Variants in LRP5 observed in about 807,000 individuals in gnomAD.
The protein encoded by LRP5 is low-density lipoprotein receptor-related protein 5.
A neutral mutation model predicts 154.1 loss-of-function variants in LRP5; 62 were observed. The observed-to-expected ratio is 0.40, with a 90% CI of 0.33 to 0.50. The LOEUF is 0.50. Ranked by LOEUF, LRP5 falls within the 20% of genes least tolerant of loss-of-function variation. The pLI is 0.55. For missense variants in LRP5, 1,915 were observed against 2,336.7 expected (o/e 0.82, Z 3.72); for synonymous variants, 966 against 1,011.5 (o/e 0.96, Z 0.85).
intron 21 of LRP5, among the ~76,000 whole-genome samples, chr11:68,441,825 A>C (rs975335112): frequency 1.3e-5 from 2 of 152,208 alleles, no homozygotes; most frequent in African/African-American, 2.4e-5. Context: ...GATGTGTGCA[A>C]CCCTCACCAC....
intron 1 of LRP5, among the ~76,000 whole-genome samples, chr11:68,338,511 G>A (rs920353613): frequency 3.3e-5 from 5 of 152,214 alleles, no homozygotes; most frequent in East Asian, 1.9e-4. Context: ...GAGGGGCCAC[G>A]AGCTGGCCTT....
At chr11:68,366,771 GAGA>G (rs2098631304) in intron 5 of LRP5, among the ~76,000 whole-genome samples, 1 of 152,166 alleles carries the variant, frequency 6.6e-6, no homozygotes, top group Admixed American at 6.5e-5. Flanking sequence ...CCCAAGTCGG[GAGA>G]AGGAGAATTT....
chr11:68,445,538 G>T (rs1425731016), intron 21 of LRP5: 1 of 1,219,600 alleles, frequency 8.2e-7, no homozygotes, highest in Non-Finnish European at 1.1e-6. Context: ...AGTCCCTCGG[G>T]CATAACTGAC....
At chr11:68,360,545 A>G (rs1417673441) in intron 3 of LRP5, among the ~76,000 whole-genome samples, 8 of 152,186 alleles carry the variant, frequency 5.3e-5, no homozygotes, top group Admixed American at 1.3e-4. Flanking sequence ...GTGTTGGGTG[A>G]CGAGCTCTGG....
At chr11:68,437,026 G>A in intron 19 of LRP5, 27 bp downstream of exon 19, 1 of 1,592,814 alleles carries the variant, frequency 6.3e-7, no homozygotes. Flanking sequence ...CACGGGGAAG[G>A]GGCGTCCGGG....
intron 9 of LRP5, among the ~76,000 whole-genome samples, chr11:68,409,051 GAAAAAA>G (rs57069059): frequency 0.014 from 717 of 51,374 alleles, 19 homozygotes; most frequent in Admixed American, 0.04. Context: ...CTTATCTGGG[GAAAAAA>G]AAAAAAAAAA....
chr11:68,344,848 TC>T (rs1417044810), intron 1 of LRP5, among the ~76,000 whole-genome samples: 17 of 132,510 alleles, frequency 1.3e-4, no homozygotes, highest in Non-Finnish European at 1.7e-4. Context: ...AGAATCTCTC[TC>T]TTTTTTTTTT....
intron 3 of LRP5, among the ~76,000 whole-genome samples, chr11:68,358,690 A>G (rs1157414152): frequency 1.3e-5 from 2 of 152,228 alleles, no homozygotes; most frequent in Non-Finnish European, 2.9e-5. Context: ...ATGAGTAGGA[A>G]GGGTTTTCCC....
intron 7 of LRP5, among the ~76,000 whole-genome samples, chr11:68,393,906 C>T (rs2098647777): frequency 6.6e-6 from 1 of 152,214 alleles, no homozygotes; most frequent in African/African-American, 2.4e-5. Flanking sequence ...CGTCTTGTCC[C>T]AGGCTTGCCA....
At chr11:68,426,336 A>G (rs1262378649) in intron 16 of LRP5, 149 bp downstream of exon 16, 1 of 649,958 alleles carries the variant, frequency 1.5e-6, no homozygotes, top group Non-Finnish European at 2.6e-6. Flanking sequence ...GTTCAGCGAC[A>G]TGTCCGAATG....
chr11:68,444,258 TCA>T (rs2153184245), intron 21 of LRP5, among the ~76,000 whole-genome samples: 1 of 152,174 alleles, frequency 6.6e-6, no homozygotes, highest in African/African-American at 2.4e-5. Flanking sequence ...CTCACACCTG[TCA>T]TCCCAGCACT....
chr11:68,426,423 CTTTTT>C (rs58093101), intron 16 of LRP5, among the ~76,000 whole-genome samples: 1 of 130,444 alleles, frequency 7.7e-6, no homozygotes, highest in Non-Finnish European at 1.6e-5. Context: ...AACACCAACT[CTTTTT>C]TTTTTTTTTT....
At position 68,433,664 on chromosome 11, in the gene LRP5, G is replaced by T; in HGVS notation, c.3826G>T (p.Gly1276Trp). The T allele has an allele frequency of 6.2e-7, 1 of 1,613,362 alleles. No individual in the cohort carries two copies. Among genetic ancestry groups the T allele is most frequent in the Non-Finnish European group, 8.5e-7 (1 of 1,179,980 alleles). The part of the protein sequence containing the change: ...CATGEIDCIP[G>W]AWRCDGFPEC... The stretch of plus-strand genomic sequence containing the variant: ...CACAGGGGAGATCGACTGTATCCCC[G>T]GGGCCTGGCGCTGTGACGGCTTTCC... Residue 1276 changes from glycine (G) to tryptophan (W), a missense_variant, in exon 18 of 23, where the codon GGG becomes TGG. Coordinates refer to ENST00000294304, the MANE Select transcript of LRP5 (RefSeq NM_002335.4).
At chr11:68,430,236 C>T (rs901264378) in intron 17 of LRP5, among the ~76,000 whole-genome samples, 3 of 152,140 alleles carry the variant, frequency 2.0e-5, no homozygotes, top group South Asian at 2.1e-4. Flanking sequence ...TGCAATGGCG[C>T]GATCTCAGCT....
rs139549795 is a variant in LRP5, at chr11:68,423,941, G to A, written c.3236+244G>A. 1.1e-4 allele frequency among the ~76,000 whole-genome samples: 17 copies of A among 152,364 alleles called. No individual in the cohort carries two copies. In the East Asian group the frequency reaches 2.9e-3, roughly 26 times the overall value. On this transcript the variant is annotated intron_variant, in intron 14 of 22. Coordinates refer to ENST00000294304, the MANE Select transcript of LRP5 (RefSeq NM_002335.4). The surrounding 1 kb of genome is among the most constrained non-coding windows in gnomAD (Gnocchi z 4.7). ...AGGTTACAAGGCAGCGCTGGCCGAC[G>A]GGAGTTGCAGTTGATAGGTTTTGTA...
rs376164225 is a variant in LRP5, at chr11:68,438,581, C to T, written c.4247C>T (p.Ala1416Val). The T allele has an allele frequency of 6.5e-5, 105 of 1,613,936 alleles. 1 individual carries two copies. Among genetic ancestry groups the T allele is most frequent in the Middle Eastern group, 4.9e-4 (3 of 6,082 alleles). ...VCQRVVCQRY[A>V]GANGPFPHEY... ...CAGCGCGTGGTGTGCCAGCGCTATG[C>T]GGGGGCCAACGGGCCCTTCCCGCAC... is the stretch of plus-strand genomic sequence containing the variant. The change falls in exon 20 of 23, where the codon GCG becomes GTG. Residue 1416 changes from alanine (A) to valine (V), a missense_variant. This residue lies in a region of LRP5 where 1,094 missense variants were observed against 1,210.1 expected (regional missense o/e 0.90). Transcript: ENST00000294304.
chr11:68,342,526 C>A (rs2098609745), intron 1 of LRP5, among the ~76,000 whole-genome samples: 1 of 152,208 alleles, frequency 6.6e-6, no homozygotes, highest in African/African-American at 2.4e-5. Context: ...CCTGGGGCCA[C>A]TGCCAGTTCC....
intron 1 of LRP5, among the ~76,000 whole-genome samples, chr11:68,321,177 C>G (rs1164456401): frequency 4.7e-5 from 7 of 149,544 alleles, no homozygotes; most frequent in Non-Finnish European, 7.4e-5. Context: ...AAATGCTGCT[C>G]TTTTATGTGT....
At chr11:68,402,583 C>T (rs314747) in intron 7 of LRP5, among the ~76,000 whole-genome samples, 2 of 151,290 alleles carry the variant, frequency 1.3e-5, no homozygotes, top group Non-Finnish European at 3.0e-5. Context: ...CAGGTCCTTA[C>T]ATTTGCTCCA....
Sources: allele counts gnomAD v4.1 joint callset (sites outside exome capture counted in the v4.1 genomes callset), GRCh38; gene constraint gnomAD v4.1.1; regional missense constraint gnomAD v4.1.1; non-coding constraint Gnocchi (gnomAD v3.1); transcripts MANE v1.5; gene names NCBI Gene and HGNC (gene_info 2026-07-23, HGNC 2026-07-21).